The following METTL25 variants were observed in gnomAD, a reference collection of about 807,000 sequenced individuals.
METTL25 encodes probable methyltransferase-like protein 25.
METTL25 carries 64 observed loss-of-function variants against 71.6 expected under a neutral mutation model. The ratio of observed to expected loss-of-function variants is 0.89; its 90% confidence interval spans 0.73 to 1.10. METTL25 has a LOEUF of 1.10. Ranked by LOEUF, METTL25 falls within the 50% of genes least tolerant of loss-of-function variation. The pLI, the probability that METTL25 is intolerant of heterozygous loss-of-function variation, is 0.00. For missense variants in METTL25, 807 were observed against 707.0 expected (o/e 1.14, Z -1.60); for synonymous variants, 287 against 250.3 (o/e 1.15, Z -1.38).
At chr12:82,440,776 A>G (rs183092758) in intron 8 of METTL25, among the ~76,000 whole-genome samples, 2 of 152,206 alleles carry the variant, frequency 1.3e-5, no homozygotes, top group Non-Finnish European at 2.9e-5. Flanking sequence ...AAACCATGCC[A>G]GAGATGTGTG....
At chr12:82,441,105 TAAAG>T (rs1308901343) in intron 8 of METTL25, among the ~76,000 whole-genome samples, 1 of 152,034 alleles carries the variant, frequency 6.6e-6, no homozygotes, top group Non-Finnish European at 1.5e-5. Flanking sequence ...GTTAGGCCCC[TAAAG>T]ATTTATACTG....
chr12:82,364,659 T>G (rs979568467), intron 1 of METTL25, among the ~76,000 whole-genome samples: 1 of 152,228 alleles, frequency 6.6e-6, no homozygotes. Flanking sequence ...TTAAAGATGA[T>G]GTATACATAG....
At chr12:82,462,813 A>G (rs1891975387) in intron 9 of METTL25, among the ~76,000 whole-genome samples, 1 of 152,160 alleles carries the variant, frequency 6.6e-6, no homozygotes, top group South Asian at 2.1e-4. Context: ...CTAGTGTCAT[A>G]GTATTTGTAT....
chr12:82,412,570 C>T (rs1173531136), intron 5 of METTL25, among the ~76,000 whole-genome samples: 1 of 152,114 alleles, frequency 6.6e-6, no homozygotes, highest in Non-Finnish European at 1.5e-5. Flanking sequence ...TGGCTTTCAC[C>T]TACAGTTTGT....
At chr12:82,431,212 T>A (rs1889474193) in intron 6 of METTL25, among the ~76,000 whole-genome samples, 1 of 151,318 alleles carries the variant, frequency 6.6e-6, no homozygotes, top group South Asian at 2.1e-4. Context: ...AAATAAAATA[T>A]AATGTAAAGT....
At chr12:82,360,772 C>T (rs965028668) in intron 1 of METTL25, among the ~76,000 whole-genome samples, 30 of 152,148 alleles carry the variant, frequency 2.0e-4, no homozygotes, top group African/African-American at 7.0e-4. Context: ...TTGTTAGGTT[C>T]TTGGTCTCAC....
At chr12:82,432,601 C>T (rs1472719821) in intron 6 of METTL25, among the ~76,000 whole-genome samples, 1 of 151,386 alleles carries the variant, frequency 6.6e-6, no homozygotes, top group Non-Finnish European at 1.5e-5. Flanking sequence ...AGAACCAAAA[C>T]AAATACTTTG....
intron 5 of METTL25, among the ~76,000 whole-genome samples, chr12:82,406,018 G>A (rs1430575044): frequency 6.6e-6 from 1 of 152,180 alleles, no homozygotes; most frequent in Non-Finnish European, 1.5e-5. Context: ...AGGCACTGTA[G>A]TTGGTACTTT....
intron 8 of METTL25, among the ~76,000 whole-genome samples, chr12:82,445,386 T>C (rs979470291): frequency 3.3e-5 from 5 of 152,176 alleles, no homozygotes; most frequent in Admixed American, 6.5e-5. Flanking sequence ...AAGTATGAAA[T>C]ATTAAATTAT....
rs148462918 is a variant in METTL25 at position 82,405,992 on chromosome 12, G to A, written c.1279+2862G>A. Among the ~76,000 whole-genome samples the A allele has an allele frequency of 4.0e-3, 608 of 152,268 alleles. 7 individuals carry two copies. Among genetic ancestry groups the A allele is most frequent in the Admixed American group, 5.1e-3 (78 of 15,284 alleles). On this transcript the variant is annotated intron_variant, in intron 5 of 11. Transcript: ENST00000248306. ...ATTGCACTGAACAAACATTTATTGA[G>A]CAGCTACTATTTTCAAGGCACTGTA...
At chr12:82,380,503 ATATG>A (rs1884337582) in intron 1 of METTL25, among the ~76,000 whole-genome samples, 1 of 152,160 alleles carries the variant, frequency 6.6e-6, no homozygotes, top group African/African-American at 2.4e-5. Context: ...ATATGTGTAT[ATATG>A]TATTTGTTTA....
chr12:82,416,395 C>T (rs1029199488), intron 5 of METTL25, among the ~76,000 whole-genome samples: 16 of 150,372 alleles, frequency 1.1e-4, no homozygotes, highest in African/African-American at 3.9e-4. Context: ...TTTATTAATC[C>T]TGAAGAGTAG....
chr12:82,386,289 C>T (rs1449636548), intron 1 of METTL25, among the ~76,000 whole-genome samples: 1 of 152,142 alleles, frequency 6.6e-6, no homozygotes, highest in Non-Finnish European at 1.5e-5. Context: ...TACCATTGTT[C>T]CTCATGCACT....
At chr12:82,397,436 A>C (rs1011891708) in intron 3 of METTL25, among the ~76,000 whole-genome samples, 2 of 152,042 alleles carry the variant, frequency 1.3e-5, no homozygotes, top group African/African-American at 4.8e-5. Context: ...TTTTGAATAG[A>C]AGTTTTAATT....
chr12:82,417,332 A>G (rs1888067952), intron 5 of METTL25, among the ~76,000 whole-genome samples: 1 of 152,188 alleles, frequency 6.6e-6, no homozygotes, highest in Non-Finnish European at 1.5e-5. Context: ...CTTTAATAAA[A>G]AACTTTCAAC....
intron 3 of METTL25, among the ~76,000 whole-genome samples, chr12:82,397,621 T>C (rs980704199): frequency 3.3e-5 from 5 of 152,062 alleles, no homozygotes; most frequent in Non-Finnish European, 7.4e-5. Context: ...TGTGTTTGAT[T>C]TGTAGCAGAC....
chr12:82,388,533 T>A (rs1370129149), intron 2 of METTL25, among the ~76,000 whole-genome samples: 1 of 151,878 alleles, frequency 6.6e-6, no homozygotes, highest in Non-Finnish European at 1.5e-5. Context: ...AATAAATGAG[T>A]GTACCTCTGC....
intron 8 of METTL25, among the ~76,000 whole-genome samples, chr12:82,445,544 G>C (rs1270885795): frequency 6.6e-6 from 1 of 152,170 alleles, no homozygotes; most frequent in Admixed American, 6.6e-5. Flanking sequence ...CCAGTGGACT[G>C]TGTATCAGTA....
intron 9 of METTL25, among the ~76,000 whole-genome samples, chr12:82,475,987 T>C (rs1051880245): frequency 6.6e-6 from 1 of 152,088 alleles, no homozygotes; most frequent in Non-Finnish European, 1.5e-5. Context: ...TTAGGGATAC[T>C]CAACCTGTAT....
Sources: allele counts gnomAD v4.1 joint callset (sites outside exome capture counted in the v4.1 genomes callset), GRCh38; gene constraint gnomAD v4.1.1; transcripts MANE v1.5; gene names NCBI Gene and HGNC (gene_info 2026-07-23, HGNC 2026-07-21).